The following MVB12A variants were observed in gnomAD, a reference collection of about 807,000 sequenced individuals.
MVB12A encodes multivesicular body subunit 12A, also known as CIN85/CD2AP family binding protein.
MVB12A carries 30 observed loss-of-function variants against 34.3 expected under a neutral mutation model. The observed-to-expected ratio is 0.88, with a 90% CI of 0.65 to 1.19. The LOEUF (loss-of-function observed/expected upper bound fraction) is 1.19. MVB12A is among the 50% of genes most tolerant of loss of function. The pLI is 0.00. For synonymous variants in MVB12A, 158 were observed against 158.9 expected (o/e 0.99, Z 0.04); for missense variants, 355 against 369.2 (o/e 0.96, Z 0.31).
At position 17,410,543 on chromosome 19, in the gene MVB12A, T is replaced by C. The variant is rs958779674; in HGVS notation, c.-5+4247T>C. Among the ~76,000 whole-genome samples, 104 of 116,508 alleles carry C rather than the reference T, an allele frequency of 8.9e-4. 1 individual carries two copies. Among genetic ancestry groups the C allele is most frequent in the African/African-American group, 1.9e-3 (49 of 26,108 alleles). The allele number at this position is 116,508 out of a possible 152,430, so 76.4% of individuals were successfully genotyped here. On this transcript the variant is annotated intron_variant, in intron 2 of 6. Coordinates refer to the MVB12A transcript ENST00000528604. ...ATATATATATATACACACACACATATATATATACACACACATATATATACA... is the reference window on the plus strand; with the variant it reads ...ATATATATATATACACACACACATACATATATACACACACATATATATACA...
rs1044508676 is a variant in MVB12A at position 17,423,633 on chromosome 19, C to T, written c.533+16C>T. 2.5e-6 allele frequency: 4 copies of T among 1,613,642 alleles called. No homozygotes were observed. The African/African-American group carries it at 5.3e-5, about 22-fold the overall frequency. On this transcript the variant is annotated intron_variant, in intron 5 of 8. Coordinates refer to ENST00000317040, the MANE Select transcript of MVB12A (RefSeq NM_138401.4). ...GCCAGCCAAGGTGAGTCCTCAGGCACCGGAGTGGGGGTGGCCGTTGTGGGA... is the reference window on the plus strand; with the variant it reads ...GCCAGCCAAGGTGAGTCCTCAGGCATCGGAGTGGGGGTGGCCGTTGTGGGA...
At chr19:17,422,572 A>G in intron 4 of MVB12A, 114 bp downstream of exon 4, 1 of 1,034,858 alleles carries the variant, frequency 9.7e-7, no homozygotes. Flanking sequence ...CTACCTTCTG[A>G]GCCTCAGATT....
In MVB12A at chr19:17,422,362, G is replaced by T. The variant is rs34949802; in HGVS notation, c.317G>T (p.Cys106Phe). The change falls in exon 4 of 9, where the codon TGT becomes TTT. Residue 106 changes from cysteine (C) to phenylalanine (F), a missense_variant. Physicochemically the swap from Cys to Phe is radical, Grantham distance 205. Transcript: ENST00000317040. ...KASVSKKKRM[C>F]VKLLPLGATD... ...TCTGTGTCCAAGAAGAAACGCATGT[G>T]TGTGAAGCTGTTGCCCCTGGGAGCC... 6.2e-7 allele frequency: 1 copy of T among 1,613,464 alleles called. No individual in the cohort carries two copies. Among genetic ancestry groups the T allele is most frequent in the East Asian group, 2.2e-5 (1 of 44,826 alleles).
At chr19:17,420,435 C>G in intron 2 of MVB12A, 24 bp downstream of exon 2, 1 of 1,610,068 alleles carries the variant, frequency 6.2e-7, no homozygotes, top group Non-Finnish European at 8.5e-7. Context: ...ACCTTCGGAA[C>G]CACCAGGGTC....
upstream of MVB12A, chr19:17,415,843 G>C (rs1294195626): frequency 6.6e-6 from 1 of 152,228 alleles, no homozygotes; most frequent in Non-Finnish European, 1.5e-5. Context: ...TCGGCAACAA[G>C]AGTGAAACTC....
At chr19:17,420,687 G>T in intron 3 of MVB12A, 53 bp downstream of exon 3, 2 of 1,341,884 alleles carry the variant, frequency 1.5e-6, no homozygotes, top group Non-Finnish European at 2.1e-6. Flanking sequence ...AGGGAGGAGC[G>T]GGGGAGGAGG....
At chr19:17,416,717 CT>C (rs368707654), upstream of MVB12A, among the ~76,000 whole-genome samples, 188 of 140,430 alleles carry the variant, frequency 1.3e-3, no homozygotes, top group East Asian at 4.9e-3. Context: ...CTCAACCACC[CT>C]TTTTTTTTTT....
intron 2 of MVB12A, among the ~76,000 whole-genome samples, chr19:17,410,533 C>CATAT (rs1209476314): frequency 6.7e-5 from 4 of 59,880 alleles, no homozygotes; most frequent in African/African-American, 2.5e-4. Context: ...TATATATACA[C>CATAT]ACACACATAT....
upstream of MVB12A, chr19:17,415,639 A>G (rs1452733572): frequency 6.6e-6 from 1 of 152,284 alleles, no homozygotes; most frequent in Non-Finnish European, 1.5e-5. Flanking sequence ...CCAAGGTATA[A>G]AAGTAAATCA....
At chr19:17,419,855 G>A (rs1485839511), upstream of MVB12A, 4 of 302,336 alleles carry the variant, frequency 1.3e-5, no homozygotes, top group Non-Finnish European at 1.8e-5. Flanking sequence ...AGCATTTCCG[G>A]CGGAAGTTGC....
chr19:17,410,772 T>G (rs1197372728), intron 2 of MVB12A, among the ~76,000 whole-genome samples: 1 of 144,618 alleles, frequency 6.9e-6, no homozygotes, highest in Non-Finnish European at 1.5e-5. Context: ...CTACTAAAAA[T>G]ACAAAAACTA....
chr19:17,421,475 C>T (rs918356243), intron 3 of MVB12A, among the ~76,000 whole-genome samples: 3 of 152,054 alleles, frequency 2.0e-5, no homozygotes, highest in African/African-American at 7.2e-5. Flanking sequence ...TGAGCCACCG[C>T]ACCCGGCCAA....
At chr19:17,407,574 T>TGCCATTATTTCTGCATATCA (rs1182031691) in intron 2 of MVB12A, among the ~76,000 whole-genome samples, 5 of 152,302 alleles carry the variant, frequency 3.3e-5, no homozygotes, top group African/African-American at 1.2e-4. Context: ...AGACAGCTTA[T>TGCCATTATTTCTGCATATCA]GCCATTATTT....
chr19:17,406,723 T>C (rs2074731253), intron 2 of MVB12A, among the ~76,000 whole-genome samples: 1 of 152,034 alleles, frequency 6.6e-6, no homozygotes, highest in South Asian at 2.1e-4. Flanking sequence ...GGCAGGAGGA[T>C]CACTCGAGCC....
chr19:17,422,155 A>T, intron 3 of MVB12A, 177 bp from the exon 4 acceptor site: 2 of 465,954 alleles, frequency 4.3e-6, no homozygotes, highest in Non-Finnish European at 7.6e-6. Context: ...GGCTGCATGG[A>T]ATCCCCTCCT....
chr19:17,413,729 AAAC>A (rs905345497), intron 2 of MVB12A, among the ~76,000 whole-genome samples: 47 of 152,136 alleles, frequency 3.1e-4, no homozygotes, highest in African/African-American at 4.1e-4. Flanking sequence ...AAACCAATAC[AAAC>A]AACAACAACT....
At chr19:17,416,717 C>T (rs2074801829), upstream of MVB12A, among the ~76,000 whole-genome samples, 2 of 140,514 alleles carry the variant, frequency 1.4e-5, no homozygotes, top group South Asian at 4.5e-4. Flanking sequence ...CTCAACCACC[C>T]TTTTTTTTTT....
At chr19:17,415,251 C>A (rs1266225889), upstream of MVB12A, 3 of 152,222 alleles carry the variant, frequency 2.0e-5, no homozygotes, top group Non-Finnish European at 4.4e-5. Flanking sequence ...GCCTGACGAA[C>A]GCCATCTGGC....
At chr19:17,410,496 T>TTATATATGTGTATATGTATA (rs1568387298) in intron 2 of MVB12A, among the ~76,000 whole-genome samples, 1 of 31,514 alleles carries the variant, frequency 3.2e-5, no homozygotes, top group African/African-American at 1.0e-4. Context: ...GGTTTTAGCT[T>TTATATATGTGTATATGTATA]CATATATATA....
Sources: allele counts gnomAD v4.1 joint callset (sites outside exome capture counted in the v4.1 genomes callset), GRCh38; gene constraint gnomAD v4.1.1; transcripts MANE v1.5; gene names NCBI Gene and HGNC (gene_info 2026-07-23, HGNC 2026-07-21).